Variants in CRPPA observed in about 807,000 individuals in gnomAD.
The protein encoded by CRPPA is D-ribitol-5-phosphate cytidylyltransferase.
A neutral mutation model predicts 52.0 loss-of-function variants in CRPPA; 43 were observed. That is an observed-to-expected ratio of 0.83 (90% CI 0.65 to 1.07). CRPPA has a LOEUF of 1.07. Among genes scored for constraint, CRPPA ranks in the 50% least tolerant of loss-of-function variants. The pLI is 0.00. For missense variants in CRPPA, 629 were observed against 551.7 expected (o/e 1.14, Z -1.40); for synonymous variants, 250 against 203.5 (o/e 1.23, Z -1.94).
intron 9 of CRPPA, among the ~76,000 whole-genome samples, chr7:16,136,293 T>C (rs1253432345): frequency 1.3e-5 from 2 of 152,084 alleles, no homozygotes; most frequent in African/African-American, 2.4e-5. Flanking sequence ...AACTAAGATT[T>C]CTTGCATGCT....
At chr7:16,339,243 GAAA>G (rs1161134018) in intron 3 of CRPPA, among the ~76,000 whole-genome samples, 1 of 150,482 alleles carries the variant, frequency 6.6e-6, no homozygotes, top group Admixed American at 6.6e-5. Flanking sequence ...GACATTATAA[GAAA>G]AAAAAATAAC....
chr7:16,093,578 T>C (rs1262075968), intron 9 of CRPPA, among the ~76,000 whole-genome samples: 1 of 152,170 alleles, frequency 6.6e-6, no homozygotes, highest in Non-Finnish European at 1.5e-5. Flanking sequence ...ACTTCACTTC[T>C]TGAAAGCGGG....
At chr7:16,158,352 A>T (rs1783231971) in intron 9 of CRPPA, among the ~76,000 whole-genome samples, 2 of 151,886 alleles carry the variant, frequency 1.3e-5, no homozygotes, top group Admixed American at 1.3e-4. Flanking sequence ...GGAAGTAGGA[A>T]CCCCGATTCC....
chr7:16,224,884 A>T (rs1191130099), intron 8 of CRPPA, among the ~76,000 whole-genome samples: 2 of 152,192 alleles, frequency 1.3e-5, no homozygotes, highest in Admixed American at 6.5e-5. Context: ...GAACCACTTC[A>T]TTGTAGAACA....
At chr7:16,301,354 A>G in intron 5 of CRPPA, 67 bp downstream of exon 5, 1 of 1,306,524 alleles carries the variant, frequency 7.7e-7, no homozygotes, top group Non-Finnish European at 1.1e-6. Flanking sequence ...TTAAACTGTC[A>G]TGAGAAATTC....
intron 9 of CRPPA, among the ~76,000 whole-genome samples, chr7:16,147,271 C>T (rs1282856862): frequency 6.6e-6 from 1 of 152,112 alleles, no homozygotes; most frequent in African/African-American, 2.4e-5. Flanking sequence ...CTAATACCCT[C>T]ACCTTACCTT....
chr7:16,281,035 C>A (rs1018261123), intron 5 of CRPPA, among the ~76,000 whole-genome samples: 46 of 152,136 alleles, frequency 3.0e-4, no homozygotes, highest in African/African-American at 1.1e-3. Flanking sequence ...AAAAAAAAAT[C>A]TATTTGGCAT....
At chr7:16,128,101 G>C (rs1262929392) in intron 9 of CRPPA, among the ~76,000 whole-genome samples, 1 of 152,124 alleles carries the variant, frequency 6.6e-6, no homozygotes, top group Non-Finnish European at 1.5e-5. Context: ...CAGTGTAAAA[G>C]TGAACACACA....
chr7:16,321,455 G>GA (rs1424351937), intron 3 of CRPPA, among the ~76,000 whole-genome samples: 4 of 151,674 alleles, frequency 2.6e-5, no homozygotes, highest in African/African-American at 9.7e-5. Flanking sequence ...ATAACTTAGG[G>GA]AAAAAAAATC....
intron 9 of CRPPA, among the ~76,000 whole-genome samples, chr7:16,175,015 C>A (rs916130624): frequency 1.3e-5 from 2 of 152,048 alleles, no homozygotes; most frequent in South Asian, 2.1e-4. Flanking sequence ...GGTTTTTGAG[C>A]AACATCTGGA....
intron 3 of CRPPA, among the ~76,000 whole-genome samples, chr7:16,320,216 G>C (rs545102009): frequency 3.3e-5 from 5 of 152,200 alleles, no homozygotes; most frequent in East Asian, 3.9e-4. Context: ...AGAAACAAGA[G>C]AGAAACAAGA....
chr7:16,399,748 C>G (rs918270632), intron 2 of CRPPA, among the ~76,000 whole-genome samples: 12 of 152,016 alleles, frequency 7.9e-5, no homozygotes, highest in Non-Finnish European at 1.8e-4. Flanking sequence ...ATGTAACTGA[C>G]ACGTTTCTCA....
rs951096113 is a variant in CRPPA at position 16,087,920 on chromosome 7, A to T, written c.*3775T>A. ...TTTACAGATTTTAAGACATTCTGTA[A>T]TTTGATTTTTATAAGATGATCACTG... is the stretch of plus-strand genomic sequence containing the variant. On this transcript the variant is annotated 3_prime_UTR_variant, in exon 10 of 10. Transcript: ENST00000407010. 6.6e-6 allele frequency: 1 copy of T among 152,162 alleles called. No homozygotes were observed. Among genetic ancestry groups the T allele is most frequent in the African/African-American group, 2.4e-5 (1 of 41,462 alleles). 9.4% of individuals were successfully genotyped at this position (152,162 alleles called of 1,614,324 possible).
At chr7:16,318,067 A>G (rs1305348811) in intron 3 of CRPPA, among the ~76,000 whole-genome samples, 3 of 152,136 alleles carry the variant, frequency 2.0e-5, no homozygotes, top group African/African-American at 7.2e-5. Context: ...TCTAACTGGA[A>G]GCTCCATCCG....
At chr7:16,245,212 C>T (rs766615157) in intron 8 of CRPPA, among the ~76,000 whole-genome samples, 1 of 152,328 alleles carries the variant, frequency 6.6e-6, no homozygotes, top group South Asian at 2.1e-4. Context: ...TTTGCACATG[C>T]AAACACTCTA....
At chr7:16,288,067 C>A (rs1288921428) in intron 5 of CRPPA, among the ~76,000 whole-genome samples, 1 of 151,940 alleles carries the variant, frequency 6.6e-6, no homozygotes, top group Non-Finnish European at 1.5e-5. Flanking sequence ...AGAAATGAAA[C>A]CTACCAAAAC....
chr7:16,387,068 T>TATATATATATATATATACAC (rs1787299917), intron 2 of CRPPA, among the ~76,000 whole-genome samples: 37 of 68,728 alleles, frequency 5.4e-4, no homozygotes, highest in Non-Finnish European at 7.3e-4. Flanking sequence ...TATATATATA[T>TATATATATATATATATACAC]ATATATATAT....
chr7:16,346,613 T>A (rs1237139964), intron 3 of CRPPA, among the ~76,000 whole-genome samples: 2 of 152,146 alleles, frequency 1.3e-5, no homozygotes, highest in Non-Finnish European at 2.9e-5. Context: ...TTTGTCATAA[T>A]TTTTTTATTT....
At chr7:16,418,382 T>C (rs1037818566) in intron 1 of CRPPA, among the ~76,000 whole-genome samples, 2 of 152,216 alleles carry the variant, frequency 1.3e-5, no homozygotes, top group Non-Finnish European at 2.9e-5. Context: ...TTATTTTCCA[T>C]AAACAAGGCC....
Sources: allele counts gnomAD v4.1 joint callset (sites outside exome capture counted in the v4.1 genomes callset), GRCh38; gene constraint gnomAD v4.1.1; transcripts MANE v1.5; gene names NCBI Gene and HGNC (gene_info 2026-07-23, HGNC 2026-07-21).